The following ARHGAP23 variants were observed in gnomAD, a reference collection of about 807,000 sequenced individuals.
ARHGAP23 encodes the protein rho GTPase-activating protein 23.
A neutral mutation model predicts 136.3 loss-of-function variants in ARHGAP23; 34 were observed. The observed-to-expected ratio is 0.25, with a 90% CI of 0.19 to 0.33. The LOEUF (loss-of-function observed/expected upper bound fraction) is 0.33. ARHGAP23 is among the 10% of genes least tolerant of loss of function. ARHGAP23 has a pLI of 1.00. For synonymous variants in ARHGAP23, 832 were observed against 920.5 expected (o/e 0.90, Z 1.74); for missense variants, 1,808 against 2,139.0 (o/e 0.85, Z 3.05).
intron 3 of ARHGAP23, among the ~76,000 whole-genome samples, chr17:38,461,191 A>G (rs1294982488): frequency 6.6e-6 from 1 of 152,104 alleles, no homozygotes; most frequent in Admixed American, 6.5e-5. Flanking sequence ...AGCTCGGCAC[A>G]CTGTGGGCGG....
chr17:38,495,228 CTTTTT>C (rs11295890), intron 20 of ARHGAP23, among the ~76,000 whole-genome samples: 3 of 135,478 alleles, frequency 2.2e-5, no homozygotes, highest in Non-Finnish European at 3.2e-5. Context: ...TTTTCTTTTT[CTTTTT>C]TTTTTTTTTT....
chr17:38,421,793 G>A (rs2038523090), intron 1 of ARHGAP23, among the ~76,000 whole-genome samples: 1 of 152,218 alleles, frequency 6.6e-6, no homozygotes, highest in South Asian at 2.1e-4. Context: ...AGAGGAGAGG[G>A]GAGCAGCTGC....
intron 13 of ARHGAP23, 50 bp downstream of exon 13, chr17:38,479,547 G>A (rs553370143): frequency 7.1e-5 from 109 of 1,530,626 alleles, no homozygotes; most frequent in Non-Finnish European, 9.5e-5. Flanking sequence ...GTGGTAGGGG[G>A]CTGAAGGCAA....
At chr17:38,471,598 G>A (rs543415735) in intron 10 of ARHGAP23, among the ~76,000 whole-genome samples, 2 of 152,206 alleles carry the variant, frequency 1.3e-5, no homozygotes, top group East Asian at 3.8e-4. Context: ...GGGAGGCTCC[G>A]AATTGGCTCC....
Position 38,466,471 on chromosome 17 carries a change from A to G in ARHGAP23, c.788A>G (p.Glu263Gly). The change falls in exon 7 of 24, where the codon GAG becomes GGG. Residue 263 changes from glutamate (E) to glycine (G), a missense_variant. Glu to Gly is a moderately conservative substitution (Grantham distance 98, BLOSUM62 -2). This residue lies in a region of ARHGAP23 where 859 missense variants were observed against 936.4 expected (regional missense o/e 0.92). Transcript: ENST00000622683. ...GGTGCCTTCCCCCACCTCTCCTCGG[A>G]GCCCCGGACGCCCCGTGCCTTCCCA... ...SPGAFPHLSS[E>G]PRTPRAFPEP... 1 of 1,519,042 alleles carries G rather than the reference A, an allele frequency of 6.6e-7. No homozygotes were observed. 94.1% of individuals were successfully genotyped at this position (1,519,042 alleles called of 1,614,324 possible). A position where few individuals can be genotyped will look rare whatever the true frequency, so the allele number is the denominator to read the frequency against.
At chr17:38,480,865 G>A (rs895594802) in intron 14 of ARHGAP23, among the ~76,000 whole-genome samples, 1 of 151,444 alleles carries the variant, frequency 6.6e-6, no homozygotes, top group African/African-American at 2.4e-5. Flanking sequence ...CATGGTGGCT[G>A]ACACCTATAA....
rs897971177 is a variant in ARHGAP23 at position 38,428,582 on chromosome 17, C to G, written c.63+34C>G. 8.1e-6 allele frequency: 11 copies of G among 1,362,430 alleles called. No individual in the cohort carries two copies. The African/African-American group carries it at 1.5e-4, about 19-fold the overall frequency. The allele number at this position is 1,362,430 out of a possible 1,614,324, so 84.4% of individuals were successfully genotyped here. A position where few individuals can be genotyped will look rare whatever the true frequency, so the allele number is the denominator to read the frequency against. On this transcript the variant is annotated intron_variant, in intron 1 of 23. Transcript: ENST00000622683. The stretch of plus-strand genomic sequence containing the variant: ...GCTGGGCCAGGGAAGTGGGCGGGGC[C>G]GGTAGCTGCTGGGGAGCGGGCTGCC...
intron 1 of ARHGAP23, chr17:38,451,842 G>C (rs1376334788): frequency 6.6e-6 from 1 of 152,650 alleles, no homozygotes; most frequent in African/African-American, 2.4e-5. Context: ...CGATGGAAGT[G>C]GGGCGGGAGA....
chr17:38,494,424 G>GC (rs1364312180), intron 20 of ARHGAP23, among the ~76,000 whole-genome samples: 1 of 152,176 alleles, frequency 6.6e-6, no homozygotes, highest in African/African-American at 2.4e-5. Flanking sequence ...ATGGGAGCCT[G>GC]CTCAGAAGGA....
intron 1 of ARHGAP23, among the ~76,000 whole-genome samples, chr17:38,445,597 T>C (rs564160240): frequency 6.6e-6 from 1 of 152,206 alleles, no homozygotes; most frequent in South Asian, 2.1e-4. Flanking sequence ...GATATTCCAC[T>C]ATCACCGTAA....
chr17:38,509,487 G>A (rs2040706005), intron 23 of ARHGAP23, among the ~76,000 whole-genome samples: 1 of 152,138 alleles, frequency 6.6e-6, no homozygotes, highest in Non-Finnish European at 1.5e-5. Context: ...GCAGCGGGTG[G>A]AGAGGAGGTG....
chr17:38,476,147 A>T (rs1006670061), intron 11 of ARHGAP23, among the ~76,000 whole-genome samples: 2 of 152,186 alleles, frequency 1.3e-5, no homozygotes, highest in Non-Finnish European at 2.9e-5. Context: ...CCTTGAGAGG[A>T]TGCTGAGCAG....
At chr17:38,469,385 G>C in intron 8 of ARHGAP23, 86 bp downstream of exon 8, 1 of 1,478,974 alleles carries the variant, frequency 6.8e-7, no homozygotes, top group Non-Finnish European at 9.1e-7. Context: ...CTTGATGTCT[G>C]GCCTCTTCCT....
intron 17 of ARHGAP23, among the ~76,000 whole-genome samples, chr17:38,489,125 G>T (rs1483647621): frequency 6.6e-6 from 1 of 151,994 alleles, no homozygotes; most frequent in Non-Finnish European, 1.5e-5. Flanking sequence ...ATCAGCTGAT[G>T]CGCCTCAGCC....
Position 38,510,916 on chromosome 17 carries a change from C to T in ARHGAP23, c.4420C>T (p.Leu1474=). 3 of 1,487,694 alleles carry T rather than the reference C, an allele frequency of 2.0e-6. No homozygotes were observed. Among genetic ancestry groups the T allele is most frequent in the Non-Finnish European group, 2.7e-6 (3 of 1,128,550 alleles). The allele number at this position is 1,487,694 out of a possible 1,614,324, so 92.2% of individuals were successfully genotyped here. The change falls in exon 24 of 24, where the codon CTG becomes TTG. Residue 1474 remains leucine (L), a synonymous_variant. Transcript: ENST00000622683. This position sits in a 1 kb window ranked among gnomAD's most constrained non-coding sequence, Gnocchi z 4.6. ...QPPAPGDTGS[L]QSQPPRRSAA... is the part of the protein sequence containing the mutation. ...GCCCGCGCCCGGGGACACGGGGTCC[C>T]TGCAGAGCCAGCCCCCGCGCCGCTC...
chr17:38,463,486 A>G, intron 6 of ARHGAP23, 104 bp downstream of exon 6: 1 of 1,377,978 alleles, frequency 7.3e-7, no homozygotes, highest in South Asian at 1.3e-5. Context: ...ACAGGCCGAC[A>G]TTGCCCAGTT....
Position 38,482,075 on chromosome 17 carries a change from A to C in ARHGAP23, c.2683A>C (p.Asn895His), listed in dbSNP as rs745451173. The C allele has an allele frequency of 6.9e-5, 107 of 1,549,790 alleles. No individual in the cohort carries two copies. Among genetic ancestry groups the C allele is most frequent in the Non-Finnish European group, 8.6e-5 (99 of 1,146,390 alleles). ...TPWGINIIKK[N>H]KKAAPRAFGV... ...CTGGGGCATCAACATCATCAAGAAA[A>C]ATAAGAAGGCCGCTCCGAGGGCGTT... Residue 895 changes from asparagine to histidine, a missense_variant, in exon 15 of 24, where the codon AAT (asparagine) becomes CAT (histidine). Coordinates refer to ENST00000622683, the MANE Select transcript of ARHGAP23 (RefSeq NM_001199417.2).
At chr17:38,448,858 C>CTT (rs1241989813) in intron 1 of ARHGAP23, among the ~76,000 whole-genome samples, 7 of 124,222 alleles carry the variant, frequency 5.6e-5, no homozygotes, top group East Asian at 2.2e-4. Context: ...GTTGCCCAGC[C>CTT]TTTTTTTTTT....
At position 38,462,760 on chromosome 17, in the gene ARHGAP23, C is replaced by CT. The variant is rs1405002902; in HGVS notation, c.254-85dup. On this transcript the variant is annotated intron_variant, in intron 3 of 23. Coordinates refer to ENST00000622683, the MANE Select transcript of ARHGAP23 (RefSeq NM_001199417.2). ...GTGACCGGACGAGTGCAATCATTCT[C>CT]TGAGTGTGTGTCCCCTGTGTGTGTA... 3 of 958,192 alleles carry CT rather than the reference C, an allele frequency of 3.1e-6. No individual in the cohort carries two copies. The African/African-American group carries it at 5.0e-5, about 16-fold the overall frequency. 59.4% of individuals were successfully genotyped at this position (958,192 alleles called of 1,614,324 possible). A position where few individuals can be genotyped will look rare whatever the true frequency, so the allele number is the denominator to read the frequency against.
Sources: allele counts gnomAD v4.1 joint callset (sites outside exome capture counted in the v4.1 genomes callset), GRCh38; gene constraint gnomAD v4.1.1; regional missense constraint gnomAD v4.1.1; non-coding constraint Gnocchi (gnomAD v3.1); transcripts MANE v1.5; gene names NCBI Gene and HGNC (gene_info 2026-07-23, HGNC 2026-07-21).